Variants in SPECC1 observed in about 807,000 individuals in gnomAD.
SPECC1 encodes the protein cytospin-B.
A neutral mutation model predicts 104.1 loss-of-function variants in SPECC1; 62 were observed. The observed-to-expected ratio is 0.60, with a 90% CI of 0.49 to 0.74. SPECC1 has a LOEUF of 0.74. Among genes scored for constraint, SPECC1 ranks in the 30% least tolerant of loss-of-function variants. The pLI, the probability that SPECC1 is intolerant of heterozygous loss-of-function variation, is 0.00. For synonymous variants in SPECC1, 513 were observed against 501.6 expected (o/e 1.02, Z -0.30); for missense variants, 1,306 against 1,310.5 (o/e 1.00, Z 0.05).
At chr17:20,236,050 C>T (rs2038890886) in intron 7 of SPECC1, among the ~76,000 whole-genome samples, 1 of 152,194 alleles carries the variant, frequency 6.6e-6, no homozygotes, top group South Asian at 2.1e-4. Flanking sequence ...CTCCAGCTAC[C>T]ATGGAGAGGG....
At chr17:20,085,489 A>G (rs2047142845) in intron 1 of SPECC1, among the ~76,000 whole-genome samples, 1 of 152,340 alleles carries the variant, frequency 6.6e-6, no homozygotes. Context: ...AGGTAATCCC[A>G]GGAGCAGCCT....
intron 3 of SPECC1, among the ~76,000 whole-genome samples, chr17:20,162,527 G>C (rs1400699190): frequency 1.3e-5 from 2 of 151,464 alleles, no homozygotes; most frequent in Non-Finnish European, 3.0e-5. Context: ...TAGGATTGTT[G>C]TGGTGATTCA....
At chr17:20,170,917 G>T (rs1314506998) in intron 3 of SPECC1, among the ~76,000 whole-genome samples, 1 of 152,082 alleles carries the variant, frequency 6.6e-6, no homozygotes, top group Non-Finnish European at 1.5e-5. Context: ...TTATCTGCCA[G>T]AGAATTCATC....
At chr17:20,206,264 C>G (rs1032449809) in intron 4 of SPECC1, among the ~76,000 whole-genome samples, 1 of 152,170 alleles carries the variant, frequency 6.6e-6, no homozygotes, top group Non-Finnish European at 1.5e-5. Flanking sequence ...AGAAGGACTT[C>G]CTGGAAGAAA....
At chr17:20,260,399 A>G in intron 12 of SPECC1, 105 bp downstream of exon 12, 1 of 907,774 alleles carries the variant, frequency 1.1e-6, no homozygotes, top group Non-Finnish European at 1.7e-6. Context: ...ATATGCATGT[A>G]ATTGTCATCT....
At chr17:20,250,594 T>C (rs2039586175) in intron 9 of SPECC1, among the ~76,000 whole-genome samples, 1 of 152,228 alleles carries the variant, frequency 6.6e-6, no homozygotes, top group Non-Finnish European at 1.5e-5. Context: ...CACCTATAAT[T>C]TATATCTTTT....
intron 1 of SPECC1, among the ~76,000 whole-genome samples, chr17:20,089,954 G>A (rs555862231): frequency 6.6e-6 from 1 of 152,158 alleles, no homozygotes; most frequent in African/African-American, 2.4e-5. Flanking sequence ...GGTTATTCAG[G>A]GTTTGTTCTG....
chr17:20,312,285 G>T (rs2041953292), intron 14 of SPECC1, among the ~76,000 whole-genome samples: 1 of 152,196 alleles, frequency 6.6e-6, no homozygotes, highest in South Asian at 2.1e-4. Context: ...CAAATGTCAT[G>T]CACTATAAGA....
chr17:20,051,238 C>T (rs986762670), intron 1 of SPECC1, among the ~76,000 whole-genome samples: 2 of 151,526 alleles, frequency 1.3e-5, no homozygotes, highest in African/African-American at 4.9e-5. Flanking sequence ...TGCAGTGGTG[C>T]AATCTTGGCC....
At chr17:20,176,549 C>G (rs1057179656) in intron 3 of SPECC1, among the ~76,000 whole-genome samples, 1 of 152,160 alleles carries the variant, frequency 6.6e-6, no homozygotes, top group Non-Finnish European at 1.5e-5. Flanking sequence ...GAATTATTTC[C>G]TGGCAGTTCT....
chr17:20,160,426 G>A (rs779372075), intron 3 of SPECC1, among the ~76,000 whole-genome samples: 1 of 152,036 alleles, frequency 6.6e-6, no homozygotes, highest in Non-Finnish European at 1.5e-5. Flanking sequence ...TGTTCCACTG[G>A]CCAGACTCAG....
chr17:20,223,846 A>T (rs2038044837), intron 4 of SPECC1, among the ~76,000 whole-genome samples: 1 of 152,162 alleles, frequency 6.6e-6, no homozygotes, highest in South Asian at 2.1e-4. Flanking sequence ...TGTCTTATTT[A>T]CTTCATTTGA....
intron 9 of SPECC1, among the ~76,000 whole-genome samples, chr17:20,248,537 T>C (rs185556782): frequency 6.6e-6 from 1 of 152,308 alleles, no homozygotes; most frequent in East Asian, 1.9e-4. Context: ...TACAGTACTA[T>C]TTTCCAAGAA....
Position 20,318,374 on chromosome 17 carries a change from C to T in SPECC1, c.*4309C>T, listed in dbSNP as rs1313199369. On this transcript the variant is annotated 3_prime_UTR_variant, in exon 15 of 15. Coordinates refer to ENST00000395527, the MANE Select transcript of SPECC1 (RefSeq NM_001243439.2). ...TTCAAAAATATTAGTCTTTTATTTT[C>T]CTTTTTCATTCAGTTTTTGTTTTAC... The T allele has an allele frequency of 8.6e-6, 2 of 231,646 alleles. No homozygotes were observed. Among genetic ancestry groups the T allele is most frequent in the Non-Finnish European group, 1.7e-5 (2 of 117,068 alleles). The allele number at this position is 231,646 out of a possible 1,614,324, so 14.3% of individuals were successfully genotyped here.
intron 1 of SPECC1, among the ~76,000 whole-genome samples, chr17:20,081,664 TG>T (rs1156363044): frequency 6.6e-6 from 1 of 152,006 alleles, no homozygotes; most frequent in African/African-American, 2.4e-5. Context: ...TGGTGGCATC[TG>T]GAAGATTGGG....
At chr17:20,156,917 G>T (rs1291744209) in intron 3 of SPECC1, among the ~76,000 whole-genome samples, 1 of 152,136 alleles carries the variant, frequency 6.6e-6, no homozygotes, top group East Asian at 1.9e-4. Context: ...AAGGGATTTA[G>T]TTTTGCCTGA....
intron 4 of SPECC1, among the ~76,000 whole-genome samples, chr17:20,208,690 G>C (rs190954557): frequency 6.6e-6 from 1 of 152,180 alleles, no homozygotes; most frequent in African/African-American, 2.4e-5. Context: ...TCCTGGTCTC[G>C]TATCTAATTC....
intron 1 of SPECC1, among the ~76,000 whole-genome samples, chr17:20,035,285 A>G (rs529308593): frequency 1.3e-5 from 2 of 152,132 alleles, no homozygotes; most frequent in Non-Finnish European, 2.9e-5. Flanking sequence ...ATATTTCCGT[A>G]TACATTTTTG....
chr17:20,150,200 G>A (rs1165927556), intron 3 of SPECC1, among the ~76,000 whole-genome samples: 1 of 151,374 alleles, frequency 6.6e-6, no homozygotes, highest in East Asian at 2.0e-4. Context: ...AGTCCGGATG[G>A]TCTCGATCTC....
Sources: allele counts gnomAD v4.1 joint callset (sites outside exome capture counted in the v4.1 genomes callset), GRCh38; gene constraint gnomAD v4.1.1; transcripts MANE v1.5; gene names NCBI Gene and HGNC (gene_info 2026-07-23, HGNC 2026-07-21).